XIRP2: variants seen among roughly 807,000 people sequenced by gnomAD.
XIRP2 encodes the protein xin actin binding repeat containing 2.
In XIRP2, 236 loss-of-function variants were observed where a neutral mutation model predicts 277.0. The ratio of observed to expected loss-of-function variants is 0.85; its 90% CI spans 0.77 to 0.95. The LOEUF is 0.95. Among genes scored for constraint, XIRP2 ranks in the 40% least tolerant of loss-of-function variants. The probability of loss-of-function intolerance (pLI) is 0.00; values close to 1 mark genes in which losing one functional copy is unlikely to be tolerated. For synonymous variants in XIRP2, 1,490 were observed against 1,416.5 expected, an observed-to-expected ratio of 1.05 and a Z score of -1.17; for missense variants, 4,640 against 4,157.5, an observed-to-expected ratio of 1.12 and a Z score of -3.19.
At chr2:167,154,143 A>T (rs1692110209) in intron 3 of XIRP2, among the ~76,000 whole-genome samples, 2 of 149,216 alleles carry the variant, frequency 1.3e-5, no homozygotes, top group African/African-American at 5.0e-5. Flanking sequence ...TTTGATTTGC[A>T]TTTCTCTGAT....
chr2:167,251,027 C>A lies in XIRP2; in HGVS notation c.9635C>A (p.Ser3212Tyr). The change falls in exon 9 of 11, where the codon TCT (serine) becomes TAT (tyrosine). Residue 3212 changes from serine to tyrosine, a missense_variant. Transcript: ENST00000409195. ...ATPVPIVEKR[S>Y]EIIMSPATLR... ...CCGGTTCCAATTGTAGAGAAGAGGTCTGAAATCATCATGTCTCCTGCAACA... is the reference window on the plus strand; with the variant it reads ...CCGGTTCCAATTGTAGAGAAGAGGTATGAAATCATCATGTCTCCTGCAACA... 1.2e-6 allele frequency: 2 copies of A among 1,613,632 alleles called. No homozygotes were observed. The highest frequency in any genetic ancestry group is 2.2e-5 in the South Asian group (2 of 91,080).
rs1694135072 is a variant in XIRP2, at chr2:167,213,866, T to C, written c.723+2971T>C. Among the ~76,000 whole-genome samples the C allele has an allele frequency of 3.3e-5, 5 of 152,094 alleles. No individual in the cohort carries two copies. In the South Asian group the frequency reaches 8.3e-4, roughly 25 times the overall value. On this transcript the variant is annotated intron_variant, in intron 4 of 10. Transcript: ENST00000409195. ...TTTCAGAAGATTTGTCTCACTTGGGTGAATGAGCAGCTGCAGTAGCGTAAT... is the reference window on the plus strand; with the variant it reads ...TTTCAGAAGATTTGTCTCACTTGGGCGAATGAGCAGCTGCAGTAGCGTAAT...
Position 167,144,925 on chromosome 2 carries a change from G to A in XIRP2, c.562+8863G>A, listed in dbSNP as rs1024284392. Among the ~76,000 whole-genome samples the A allele has an allele frequency of 2.0e-5, 3 of 152,092 alleles. No homozygotes were observed. The East Asian group carries it at 5.8e-4, about 29-fold the overall frequency. On this transcript the variant is annotated intron_variant, in intron 3 of 10. Transcript: ENST00000409195. ...ATGGTCATACTTTTTAACTAATCAA[G>A]TTAAGAATTCTGGTGAGTTTAAATA...
rs1013071815 is a variant in XIRP2 at position 166,912,056 on chromosome 2, C to T, written c.408+8166C>T. ...GCCCTTAACATTTTTTCCTTCATTT[C>T]GACTTTGGTGAATCTGACAATTATG... On this transcript the variant is annotated intron_variant, in intron 2 of 10. Transcript: ENST00000409195. Among the ~76,000 whole-genome samples, 28 of 152,236 alleles carry T rather than the reference C, an allele frequency of 1.8e-4. No homozygotes were observed. The East Asian group carries it at 4.1e-3, about 22-fold the overall frequency.
chr2:166,966,366 C>A (rs1686433458), intron 2 of XIRP2, among the ~76,000 whole-genome samples: 1 of 151,510 alleles, frequency 6.6e-6, no homozygotes, highest in African/African-American at 2.4e-5. Context: ...CCAGATATAC[C>A]TAAATTTGAA....
chr2:167,002,252 G>C lies in XIRP2; in HGVS notation c.408+98362G>C, dbSNP rs575771455. On this transcript the variant is annotated intron_variant, in intron 2 of 10. Transcript: ENST00000409195. ...AAATAATGAATAACCCCAACCAGAG[G>C]GCAGAGCCAGTTATGCCCTGGATAA... 3.3e-5 allele frequency among the ~76,000 whole-genome samples: 5 copies of C among 151,988 alleles called. No homozygotes were observed. In the South Asian group the frequency reaches 1.0e-3, roughly 32 times the overall value.
In XIRP2 at chr2:167,258,316, A is replaced by G. The variant is rs772301013; in HGVS notation, c.*499A>G. On this transcript the variant is annotated 3_prime_UTR_variant, in exon 11 of 11. Coordinates refer to ENST00000409195, the MANE Select transcript of XIRP2 (RefSeq NM_152381.6). ...AAGATGTTAGAACTCCAGAAAATAA[A>G]GGACAAAGACAAGATCACTTTCCAT... is the stretch of plus-strand genomic sequence containing the variant. 1 of 1,613,418 alleles carries G rather than the reference A, an allele frequency of 6.2e-7. No individual in the cohort carries two copies.
chr2:167,030,876 G>C (rs1188767270), intron 2 of XIRP2, among the ~76,000 whole-genome samples: 1 of 152,088 alleles, frequency 6.6e-6, no homozygotes, highest in Non-Finnish European at 1.5e-5. Flanking sequence ...GGGTGTTCCT[G>C]TATTGGGTGC....
intron 5 of XIRP2, among the ~76,000 whole-genome samples, chr2:167,225,602 A>G (rs1353553407): frequency 6.6e-6 from 1 of 152,118 alleles, no homozygotes; most frequent in Non-Finnish European, 1.5e-5. Flanking sequence ...CTTTCTGCAG[A>G]TAGGCCAGCA....
Position 167,244,472 on chromosome 2 carries a change from A to G in XIRP2, c.3080A>G (p.Asp1027Gly), listed in dbSNP as rs1695181810. The change falls in exon 9 of 11, where the codon GAC becomes GGC. Residue 1027 changes from aspartate to glycine, a missense_variant. By Grantham distance (94) the Asp-to-Gly change is moderately conservative. Transcript: ENST00000409195. ...CRWLFETRPI[D>G]QFDESIHKFQ... ...TGGCTTTTTGAAACAAGGCCCATTG[A>G]CCAGTTTGATGAAAGCATTCATAAA... 1 of 1,613,842 alleles carries G rather than the reference A, an allele frequency of 6.2e-7. No homozygotes were observed. Among genetic ancestry groups the G allele is most frequent in the Non-Finnish European group, 8.5e-7 (1 of 1,179,818 alleles).
At chr2:167,203,007 A>G (rs1389977540) in intron 3 of XIRP2, among the ~76,000 whole-genome samples, 1 of 152,104 alleles carries the variant, frequency 6.6e-6, no homozygotes, top group Admixed American at 6.6e-5. Context: ...CATTTCAGTC[A>G]TTGCATCTCC....
intron 3 of XIRP2, among the ~76,000 whole-genome samples, chr2:167,148,939 A>T (rs1027569252): frequency 1.3e-5 from 2 of 152,096 alleles, no homozygotes; most frequent in African/African-American, 4.8e-5. Context: ...GAACTTTGAA[A>T]AATCAGATAG....
chr2:167,051,693 A>T (rs1688918917), intron 2 of XIRP2, among the ~76,000 whole-genome samples: 1 of 152,104 alleles, frequency 6.6e-6, no homozygotes, highest in Non-Finnish European at 1.5e-5. Context: ...ATCTATATTT[A>T]CCTTTTTGGT....
intron 5 of XIRP2, among the ~76,000 whole-genome samples, chr2:167,229,919 G>C (rs1029195744): frequency 6.6e-6 from 1 of 152,018 alleles, no homozygotes; most frequent in Admixed American, 6.6e-5. Context: ...TCTTGGACTT[G>C]TTCTTTTTCC....
At chr2:167,057,182 G>A (rs1026820903) in intron 2 of XIRP2, among the ~76,000 whole-genome samples, 10 of 152,022 alleles carry the variant, frequency 6.6e-5, no homozygotes, top group East Asian at 3.9e-4. Context: ...TGTACAAGCC[G>A]GCATGTTTCA....
intron 2 of XIRP2, among the ~76,000 whole-genome samples, chr2:167,135,372 C>T (rs779173515): frequency 2.0e-5 from 3 of 151,998 alleles, no homozygotes; most frequent in Non-Finnish European, 4.4e-5. Context: ...CTTTAAATTA[C>T]TATCTGAAGA....
chr2:167,139,296 A>T (rs953466080), intron 3 of XIRP2, among the ~76,000 whole-genome samples: 7 of 152,232 alleles, frequency 4.6e-5, no homozygotes, highest in African/African-American at 1.7e-4. Flanking sequence ...TGAATGGGTC[A>T]TGTTCATCAG....
chr2:166,954,002 T>C (rs1460993694), intron 2 of XIRP2, among the ~76,000 whole-genome samples: 1 of 151,962 alleles, frequency 6.6e-6, no homozygotes, highest in Non-Finnish European at 1.5e-5. Context: ...TATTTTATTG[T>C]TACATTTTAT....
intron 2 of XIRP2, among the ~76,000 whole-genome samples, chr2:167,118,246 G>A (rs1320410309): frequency 3.3e-5 from 5 of 152,118 alleles, no homozygotes; most frequent in East Asian, 1.9e-4. Context: ...TTGCGAGGCC[G>A]TGATGGGCAG....
Sources: allele counts gnomAD v4.1 joint callset (sites outside exome capture counted in the v4.1 genomes callset), GRCh38; gene constraint gnomAD v4.1.1; transcripts MANE v1.5; gene names NCBI Gene and HGNC (gene_info 2026-07-23, HGNC 2026-07-21).